Variants in SNCAIP observed in about 807,000 individuals in gnomAD.
The protein encoded by SNCAIP is synuclein alpha interacting protein.
A neutral mutation model predicts 86.7 loss-of-function variants in SNCAIP; 43 were observed. That is an observed-to-expected ratio of 0.50 (90% CI 0.39 to 0.64). SNCAIP has a LOEUF of 0.64. Ranked by LOEUF, SNCAIP falls within the 30% of genes least tolerant of loss-of-function variation. SNCAIP has a pLI of 0.00. For missense variants in SNCAIP, 981 were observed against 1,103.1 expected (o/e 0.89, Z 1.57); for synonymous variants, 417 against 427.2 (o/e 0.98, Z 0.29).
intron 2 of SNCAIP, among the ~76,000 whole-genome samples, chr5:122,396,972 TATAA>T (rs1434844056): frequency 6.6e-6 from 1 of 152,178 alleles, no homozygotes; most frequent in Admixed American, 6.5e-5. Context: ...TACTTTTAAA[TATAA>T]ATAATAATAT....
At position 122,448,740 on chromosome 5, in the gene SNCAIP, T is replaced by C. The variant is rs200958468; in HGVS notation, c.1593-1105T>C. ...AATATATATGTTTTATATATATATA[T>C]ACACACACACACATACATGTGGGAA... On this transcript the variant is annotated intron_variant, in intron 8 of 10. Transcript: ENST00000261368. Among the ~76,000 whole-genome samples, 685 of 142,420 alleles carry C rather than the reference T, an allele frequency of 4.8e-3. 7 individuals carry two copies. Among genetic ancestry groups the C allele is most frequent in the East Asian group, 0.036 (181 of 5,054 alleles). 93.4% of individuals were successfully genotyped at this position (142,420 alleles called of 152,430 possible).
rs1212303157 is a variant in SNCAIP, at chr5:122,330,117, C to CTTTTTTTTTTTTTTTTTTTTTTTTTTTT, written c.-47+17855_-47+17856insTTTTTTTTTTTTTTTTTTTTTTTTTTTT. Among the ~76,000 whole-genome samples, 29 of 96,826 alleles carry CTTTTTTTTTTTTTTTTTTTTTTTTTTTT rather than the reference C, an allele frequency of 3.0e-4. 4 individuals are homozygous for CTTTTTTTTTTTTTTTTTTTTTTTTTTTT. The highest frequency in any genetic ancestry group is 5.1e-4 in the East Asian group (2 of 3,896). The allele number at this position is 96,826 out of a possible 152,430, so 63.5% of individuals were successfully genotyped here. On this transcript the variant is annotated intron_variant, in intron 1 of 10. Transcript: ENST00000261368. ...CTTACCTCCGTGTACAACTTCATTT[C>CTTTTTTTTTTTTTTTTTTTTTTTTTTTT]TTTTTTTTTTTTTTTTTTTTTTGAG... is the stretch of plus-strand genomic sequence containing the variant.
intron 1 of SNCAIP, among the ~76,000 whole-genome samples, chr5:122,356,141 C>G (rs980471395): frequency 1.0e-4 from 15 of 147,254 alleles, no homozygotes; most frequent in South Asian, 2.2e-4. Context: ...ACTCTGTCAC[C>G]CAGGCTGGAG....
At chr5:122,341,235 G>T in intron 1 of SNCAIP, among the ~76,000 whole-genome samples, 1 of 152,316 alleles carries the variant, frequency 6.6e-6, no homozygotes, top group Non-Finnish European at 1.5e-5. Flanking sequence ...AGAGCTTACA[G>T]GTTGAACAGT....
At chr5:122,325,693 A>G (rs1753869105) in intron 1 of SNCAIP, among the ~76,000 whole-genome samples, 1 of 152,228 alleles carries the variant, frequency 6.6e-6, no homozygotes, top group Non-Finnish European at 1.5e-5. Context: ...ATTTAGTATA[A>G]CTATTAGCTC....
At chr5:122,443,653 C>T (rs772090375) in intron 7 of SNCAIP, 4 of 456,870 alleles carry the variant, frequency 8.8e-6, no homozygotes, top group South Asian at 6.2e-5. Flanking sequence ...CCCCCTATCT[C>T]TTCTGGGCTG....
chr5:122,444,732 A>C lies in SNCAIP; in HGVS notation c.1592A>C (p.Glu531Ala). ...QVVKLTKQLK[E>A]QTVERVTLQN... ...GTGAAGTTAACCAAGCAGCTAAAGGAGTAAGTGGCCTGTTGGTTCCATGAG... is the reference window on the plus strand; with the variant it reads ...GTGAAGTTAACCAAGCAGCTAAAGGCGTAAGTGGCCTGTTGGTTCCATGAG... The change falls in exon 8 of 11, where the codon GAA (glutamate) becomes GCA (alanine). Residue 531 changes from glutamate (E) to alanine (A), a missense_variant and splice_region_variant. Coordinates refer to ENST00000261368, the MANE Select transcript of SNCAIP (RefSeq NM_005460.4). 5.6e-6 allele frequency: 9 copies of C among 1,613,314 alleles called. No homozygotes were observed. Among genetic ancestry groups the C allele is most frequent in the Non-Finnish European group, 7.6e-6 (9 of 1,179,328 alleles).
chr5:122,434,729 G>T (rs570875469), intron 6 of SNCAIP, among the ~76,000 whole-genome samples: 2 of 152,068 alleles, frequency 1.3e-5, no homozygotes, highest in African/African-American at 2.4e-5. Context: ...TCCTACATCC[G>T]CCACAGCCAC....
intron 1 of SNCAIP, among the ~76,000 whole-genome samples, chr5:122,315,845 G>A (rs1751600658): frequency 6.6e-6 from 1 of 152,162 alleles, no homozygotes; most frequent in African/African-American, 2.4e-5. Flanking sequence ...TGAGAAAAAT[G>A]GAGGCAGGAA....
At chr5:122,346,242 T>G (rs1304981718) in intron 1 of SNCAIP, among the ~76,000 whole-genome samples, 1 of 152,156 alleles carries the variant, frequency 6.6e-6, no homozygotes, top group Non-Finnish European at 1.5e-5. Context: ...TAGCCACAGA[T>G]CTTCCTGGAA....
intron 1 of SNCAIP, among the ~76,000 whole-genome samples, chr5:122,345,427 A>G (rs1371237939): frequency 6.6e-6 from 1 of 152,172 alleles, no homozygotes; most frequent in Non-Finnish European, 1.5e-5. Context: ...TCCTAGGGCT[A>G]TGGATTGGGC....
intron 1 of SNCAIP, among the ~76,000 whole-genome samples, chr5:122,361,300 C>G (rs1762164064): frequency 6.6e-6 from 1 of 151,722 alleles, no homozygotes; most frequent in South Asian, 2.1e-4. Context: ...TGATATCTTT[C>G]TGAAGTTATT....
chr5:122,319,975 A>G (rs1752594800), intron 1 of SNCAIP, among the ~76,000 whole-genome samples: 1 of 152,238 alleles, frequency 6.6e-6, no homozygotes. Context: ...GCACTCATTC[A>G]TGCAACCAAA....
intron 1 of SNCAIP, among the ~76,000 whole-genome samples, chr5:122,345,575 C>T (rs1039703660): frequency 6.6e-6 from 1 of 152,168 alleles, no homozygotes; most frequent in African/African-American, 2.4e-5. Context: ...CTGCCTGAAA[C>T]CCCAACTCCC....
chr5:122,451,786 G>T, intron 10 of SNCAIP, 185 bp downstream of exon 10: 1 of 571,826 alleles, frequency 1.7e-6, no homozygotes, highest in South Asian at 2.3e-5. Context: ...CATACCCCTT[G>T]CTCTTCTTTT....
At chr5:122,457,951 C>T (rs192372781) in intron 10 of SNCAIP, among the ~76,000 whole-genome samples, 17 of 152,148 alleles carry the variant, frequency 1.1e-4, no homozygotes, top group Admixed American at 1.1e-3. Context: ...CACATCTTCC[C>T]AGTGTCTAAG....
At chr5:122,460,923 C>T (rs979828204) in intron 10 of SNCAIP, among the ~76,000 whole-genome samples, 1 of 152,174 alleles carries the variant, frequency 6.6e-6, no homozygotes, top group Non-Finnish European at 1.5e-5. Context: ...ATCCTGGAGT[C>T]TCTCATGCAC....
At chr5:122,363,104 C>G (rs967832520) in intron 1 of SNCAIP, among the ~76,000 whole-genome samples, 1 of 149,686 alleles carries the variant, frequency 6.7e-6, no homozygotes, top group Non-Finnish European at 1.5e-5. Context: ...TCAAGCGATT[C>G]TCTTGCCTCA....
Position 122,360,191 on chromosome 5 carries a change from C to T in SNCAIP, c.-46-30898C>T, listed in dbSNP as rs146723747. Among the ~76,000 whole-genome samples the T allele has an allele frequency of 3.5e-3, 531 of 152,258 alleles. 1 individual carries two copies. The highest frequency in any genetic ancestry group is 5.4e-3 in the South Asian group (26 of 4,820). On this transcript the variant is annotated intron_variant, in intron 1 of 10. Coordinates refer to ENST00000261368, the MANE Select transcript of SNCAIP (RefSeq NM_005460.4). ...CTCATTGTCTCTAAGTATTCCTAAA[C>T]GTTTCGGAACATGGCCAGCCTTTTT...
Sources: allele counts gnomAD v4.1 joint callset (sites outside exome capture counted in the v4.1 genomes callset), GRCh38; gene constraint gnomAD v4.1.1; transcripts MANE v1.5; gene names NCBI Gene and HGNC (gene_info 2026-07-23, HGNC 2026-07-21).